ARHGAP29: variants seen among roughly 807,000 people sequenced by gnomAD.
The protein encoded by ARHGAP29 is Rho GTPase activating protein 29, also known as rho GTPase-activating protein 29.
Under a neutral mutation model 122.6 loss-of-function variants are expected in ARHGAP29, and 43 were observed. The observed-to-expected ratio is 0.35, with a 90% CI of 0.27 to 0.45. The LOEUF (loss-of-function observed/expected upper bound fraction) is 0.45. Ranked by LOEUF, ARHGAP29 falls within the 20% of genes least tolerant of loss-of-function variation. ARHGAP29 has a pLI of 1.00. For synonymous variants in ARHGAP29, 506 were observed against 497.1 expected (o/e 1.02, Z -0.24); for missense variants, 1,303 against 1,477.2 (o/e 0.88, Z 1.93).
chr1:94,223,438 T>A (rs2101591941), intron 2 of ARHGAP29, among the ~76,000 whole-genome samples: 1 of 152,198 alleles, frequency 6.6e-6, no homozygotes, highest in South Asian at 2.1e-4. Flanking sequence ...AAAAAAAAGA[T>A]AAGGTAGCTA....
intron 2 of ARHGAP29, among the ~76,000 whole-genome samples, chr1:94,224,400 T>G (rs1652498356): frequency 6.6e-6 from 1 of 152,200 alleles, no homozygotes. Flanking sequence ...CAAAAGAGCT[T>G]GATTTTCAGA....
chr1:94,220,468 C>T (rs1652231112), intron 2 of ARHGAP29, 76 bp from the exon 3 acceptor site: 2 of 1,320,912 alleles, frequency 1.5e-6, no homozygotes, highest in African/African-American at 3.0e-5. Flanking sequence ...TCATCTGAAG[C>T]ACATTTCAAG....
At chr1:94,189,480 A>G in intron 13 of ARHGAP29, 128 bp from the exon 14 acceptor site, 2 of 1,136,186 alleles carry the variant, frequency 1.8e-6, no homozygotes, top group South Asian at 3.7e-5. Context: ...AAATATTAAA[A>G]ACAAACCACA....
upstream of ARHGAP29, among the ~76,000 whole-genome samples, chr1:94,239,074 T>G (rs3814020): frequency 0.3 from 45,346 of 152,022 alleles, 7,180 homozygotes; most frequent in South Asian, 0.4. Context: ...AACAAGGTCC[T>G]GCCACAAATA....
At chr1:94,289,726 C>T in the ARHGAP29 span, among the ~76,000 whole-genome samples, 11 of 152,202 alleles carry the variant, frequency 7.2e-5, no homozygotes, top group East Asian at 1.9e-4. Context: ...TGTTGAAGGC[C>T]GTTTCTGCAT....
intron 1 of ARHGAP29, among the ~76,000 whole-genome samples, chr1:94,244,265 C>T (rs1258356815): frequency 1.3e-5 from 2 of 149,644 alleles, no homozygotes; most frequent in African/African-American, 2.4e-5. Context: ...TTTCTTAACA[C>T]AGTATTAGCA....
chr1:94,275,227 G>A (rs1031176419), upstream of ARHGAP29, among the ~76,000 whole-genome samples: 3 of 152,296 alleles, frequency 2.0e-5, no homozygotes, highest in South Asian at 2.1e-4. Context: ...ACTGCTGGCC[G>A]GGAGGATTTC....
chr1:94,177,940 T>C lies in ARHGAP29; in HGVS notation c.2708A>G (p.Asp903Gly). 4 of 1,614,166 alleles carry C rather than the reference T, an allele frequency of 2.5e-6. No homozygotes were observed. Among genetic ancestry groups the C allele is most frequent in the Non-Finnish European group, 3.4e-6 (4 of 1,180,022 alleles). ...QDVMCSIGVV[D>G]QGCFPKPLLS... ...CAGAGGCTTTGGAAAACAGCCTTGA[T>C]CAACAACACCTATGCTACACATAAC... Residue 903 changes from aspartate (D) to glycine (G), a missense_variant, in exon 21 of 23, where the codon GAT (aspartate) becomes GGT (glycine). Physicochemically the swap from Asp to Gly is moderately conservative, Grantham distance 94. Around this residue, in one of 3 missense-constraint regions of ARHGAP29, gnomAD observed 620 missense variants for 651.2 expected, o/e 0.95. Coordinates refer to ENST00000260526, the MANE Select transcript of ARHGAP29 (RefSeq NM_004815.4).
intron 5 of ARHGAP29, among the ~76,000 whole-genome samples, chr1:94,206,671 C>T (rs1004115441): frequency 6.6e-5 from 10 of 151,914 alleles, no homozygotes; most frequent in Non-Finnish European, 1.5e-4. Context: ...CTGAGGCGGA[C>T]GGATCACCTG....
At chr1:94,271,181 G>C (rs1174625214) in intron 1 of ARHGAP29, among the ~76,000 whole-genome samples, 1 of 152,236 alleles carries the variant, frequency 6.6e-6, no homozygotes, top group East Asian at 1.9e-4. Context: ...GTTGGCCAGA[G>C]GCCTCCTTCA....
the ARHGAP29 span, among the ~76,000 whole-genome samples, chr1:94,312,355 G>GTT: frequency 2.7e-3 from 244 of 88,790 alleles, 3 homozygotes; most frequent in Middle Eastern, 6.8e-3. Flanking sequence ...ATTTTTATTT[G>GTT]TTTTTTTTTT....
At chr1:94,284,104 A>G in the ARHGAP29 span, among the ~76,000 whole-genome samples, 14 of 147,856 alleles carry the variant, frequency 9.5e-5, no homozygotes, top group Admixed American at 2.0e-4. Context: ...AAAAAAAACC[A>G]TCAAGCCAGG....
chr1:94,312,584 A>C, the ARHGAP29 span, among the ~76,000 whole-genome samples: 3 of 151,756 alleles, frequency 2.0e-5, no homozygotes, highest in South Asian at 6.2e-4. Flanking sequence ...GGTGTGTGCC[A>C]CCACACCCAG....
At chr1:94,310,151 A>G in the ARHGAP29 span, among the ~76,000 whole-genome samples, 1 of 152,212 alleles carries the variant, frequency 6.6e-6, no homozygotes, top group Non-Finnish European at 1.5e-5. Context: ...GGTCCCCAGA[A>G]AACTGCCACA....
At chr1:94,289,924 G>A in the ARHGAP29 span, among the ~76,000 whole-genome samples, 1 of 152,168 alleles carries the variant, frequency 6.6e-6, no homozygotes, top group Non-Finnish European at 1.5e-5. Flanking sequence ...TTGCATTGAT[G>A]TTCATCAGGG....
intron 22 of ARHGAP29, 100 bp downstream of exon 22, chr1:94,177,512 C>G (rs1375729913): frequency 1.2e-6 from 1 of 833,258 alleles, no homozygotes; most frequent in African/African-American, 1.7e-5. Context: ...AAGCTTCATT[C>G]TCTGGCTTCC....
the ARHGAP29 span, among the ~76,000 whole-genome samples, chr1:94,313,391 C>T: frequency 0.016 from 2,511 of 152,218 alleles, 68 homozygotes; most frequent in African/African-American, 0.057. Context: ...AATACTTGTT[C>T]CTATTTGATA....
At chr1:94,304,058 G>A in the ARHGAP29 span, among the ~76,000 whole-genome samples, 1 of 152,184 alleles carries the variant, frequency 6.6e-6, no homozygotes, top group African/African-American at 2.4e-5. Context: ...TCAAGGCTCT[G>A]CTTTACCTTG....
upstream of ARHGAP29, among the ~76,000 whole-genome samples, chr1:94,275,302 C>G (rs1655143017): frequency 6.6e-6 from 1 of 152,176 alleles, no homozygotes; most frequent in Non-Finnish European, 1.5e-5. Context: ...AAACATCTTA[C>G]TAAGAAGGAA....
Sources: allele counts gnomAD v4.1 joint callset (sites outside exome capture counted in the v4.1 genomes callset), GRCh38; gene constraint gnomAD v4.1.1; regional missense constraint gnomAD v4.1.1; transcripts MANE v1.5; gene names NCBI Gene and HGNC (gene_info 2026-07-23, HGNC 2026-07-21).